Variants in ASIC2 observed in about 807,000 individuals in gnomAD.
ASIC2 encodes the protein acid-sensing ion channel 2.
ASIC2 carries 25 observed loss-of-function variants against 57.3 expected under a neutral mutation model. The observed-to-expected ratio is 0.44, with a 90% CI of 0.32 to 0.61. ASIC2 has a LOEUF of 0.61. Ranked by LOEUF, ASIC2 falls within the 20% of genes least tolerant of loss-of-function variation. ASIC2 has a pLI of 0.06. For missense variants in ASIC2, 641 were observed against 738.1 expected (o/e 0.87, Z 1.52); for synonymous variants, 319 against 307.5 (o/e 1.04, Z -0.39).
At chr17:34,117,755 G>A (rs1911471214) in intron 1 of ASIC2, among the ~76,000 whole-genome samples, 1 of 152,114 alleles carries the variant, frequency 6.6e-6, no homozygotes, top group Admixed American at 6.5e-5. Context: ...TTAACAAGGA[G>A]GGAAGAGTTG....
intron 1 of ASIC2, among the ~76,000 whole-genome samples, chr17:33,389,790 CTATT>C (rs1909824397): frequency 6.6e-6 from 1 of 152,194 alleles, no homozygotes; most frequent in East Asian, 1.9e-4. Context: ...ACTTGGGAAA[CTATT>C]TATGAACAGG....
At chr17:33,633,201 GC>G (rs1373906209) in intron 1 of ASIC2, among the ~76,000 whole-genome samples, 2 of 152,182 alleles carry the variant, frequency 1.3e-5, no homozygotes, top group African/African-American at 4.8e-5. Flanking sequence ...TCAACCCAAT[GC>G]CCATGAAGCC....
At chr17:33,350,659 G>T (rs576596880) in intron 1 of ASIC2, among the ~76,000 whole-genome samples, 64 of 125,530 alleles carry the variant, frequency 5.1e-4, no homozygotes, top group African/African-American at 2.1e-3. Flanking sequence ...TCCAGTCTGG[G>T]CAACAGAGCG....
At chr17:33,961,851 C>T (rs570279256) in intron 1 of ASIC2, among the ~76,000 whole-genome samples, 17 of 152,296 alleles carry the variant, frequency 1.1e-4, no homozygotes, top group African/African-American at 3.8e-4. Context: ...TGCTTTCCAA[C>T]CTCCATCTCC....
At chr17:34,121,065 G>A (rs988134991) in intron 1 of ASIC2, among the ~76,000 whole-genome samples, 3 of 152,034 alleles carry the variant, frequency 2.0e-5, no homozygotes, top group Non-Finnish European at 4.4e-5. Context: ...CTAATAAGAG[G>A]AGAAATATAC....
intron 1 of ASIC2, among the ~76,000 whole-genome samples, chr17:34,082,478 C>T (rs935267838): frequency 4.6e-5 from 7 of 152,280 alleles, no homozygotes; most frequent in Non-Finnish European, 7.4e-5. Flanking sequence ...GTCCTTTAAA[C>T]GGAATAAACT....
chr17:33,407,547 C>T (rs1910513141), intron 1 of ASIC2, among the ~76,000 whole-genome samples: 1 of 152,102 alleles, frequency 6.6e-6, no homozygotes, highest in South Asian at 2.1e-4. Flanking sequence ...GCCTAATTCT[C>T]TAAAATTCTC....
intron 1 of ASIC2, among the ~76,000 whole-genome samples, chr17:34,154,232 C>G (rs941840433): frequency 6.6e-6 from 1 of 152,138 alleles, no homozygotes; most frequent in Non-Finnish European, 1.5e-5. Flanking sequence ...CTAGAAAGAA[C>G]GGGGTGGAAT....
At chr17:33,345,590 A>G (rs1056697767) in intron 1 of ASIC2, among the ~76,000 whole-genome samples, 3 of 152,140 alleles carry the variant, frequency 2.0e-5, no homozygotes, top group African/African-American at 7.2e-5. Flanking sequence ...ACAGAGAGAA[A>G]ATCTGGTACA....
At chr17:34,038,222 T>C (rs973270840) in intron 1 of ASIC2, 2 of 1,611,860 alleles carry the variant, frequency 1.2e-6, no homozygotes, top group African/African-American at 2.7e-5. Context: ...ATTCACAATC[T>C]GCATGATAAT....
At chr17:33,676,059 A>G (rs1907809000) in intron 1 of ASIC2, among the ~76,000 whole-genome samples, 1 of 152,128 alleles carries the variant, frequency 6.6e-6, no homozygotes, top group African/African-American at 2.4e-5. Context: ...ACTGTGTCTG[A>G]TATGACGATC....
At chr17:33,343,577 T>G (rs1331299524) in intron 1 of ASIC2, among the ~76,000 whole-genome samples, 1 of 152,222 alleles carries the variant, frequency 6.6e-6, no homozygotes, top group African/African-American at 2.4e-5. Context: ...CCTATGCCAT[T>G]CGCTTGTATG....
In ASIC2 at chr17:34,050,741, A is replaced by G. The variant is rs149178741; in HGVS notation, c.555+105237T>C. ...GGAGCATGTGTAAGTTGTGTTCACAATCACACAACCACTTTAATGCAGAGC... is the reference window on the plus strand; with the variant it reads ...GGAGCATGTGTAAGTTGTGTTCACAGTCACACAACCACTTTAATGCAGAGC... On this transcript the variant is annotated intron_variant, in intron 1 of 9. Transcript: ENST00000359872. Among the ~76,000 whole-genome samples, 61 of 152,366 alleles carry G rather than the reference A, an allele frequency of 4.0e-4. 1 individual carries two copies. Among genetic ancestry groups the G allele is most frequent in the African/African-American group, 1.4e-3 (59 of 41,592 alleles).
intron 1 of ASIC2, among the ~76,000 whole-genome samples, chr17:33,986,609 GGGAGGGA>G (rs1454562703): frequency 6.6e-6 from 1 of 152,022 alleles, no homozygotes; most frequent in Admixed American, 6.6e-5. Flanking sequence ...ACAATGTCAT[GGGAGGGA>G]CACTTACTTC....
At position 33,340,590 on chromosome 17, in the gene ASIC2, G is replaced by A. The variant is rs576646507; in HGVS notation, c.556-228523C>T. Among the ~76,000 whole-genome samples, 67 of 152,170 alleles carry A rather than the reference G, an allele frequency of 4.4e-4. 1 individual carries two copies. The highest frequency in any genetic ancestry group is 3.4e-3 in the Middle Eastern group (1 of 294). On this transcript the variant is annotated intron_variant, in intron 1 of 9. Coordinates refer to the ASIC2 transcript ENST00000359872. Reference sequence around the variant, plus strand: ...GATATGACCTCCCTCAGGTGTGCTTGGGTTTTCTGGGAGATGATGTTAAAG... The same window carrying A: ...GATATGACCTCCCTCAGGTGTGCTTAGGTTTTCTGGGAGATGATGTTAAAG...
At chr17:33,744,393 CA>C (rs1309089170) in intron 1 of ASIC2, among the ~76,000 whole-genome samples, 2 of 152,188 alleles carry the variant, frequency 1.3e-5, no homozygotes, top group Admixed American at 6.5e-5. Context: ...GATAGTTTAA[CA>C]GACAGATTAG....
intron 1 of ASIC2, among the ~76,000 whole-genome samples, chr17:33,814,454 T>C (rs546182228): frequency 7.9e-5 from 12 of 152,326 alleles, no homozygotes; most frequent in African/African-American, 2.6e-4. Flanking sequence ...GAGACAGCAA[T>C]GCACCATTAC....
At chr17:33,555,589 G>T (rs953957882) in intron 1 of ASIC2, among the ~76,000 whole-genome samples, 8 of 152,142 alleles carry the variant, frequency 5.3e-5, no homozygotes, top group African/African-American at 1.7e-4. Context: ...CCCAAACTTT[G>T]AGCTCATGAG....
chr17:34,153,395 C>T (rs940385396), intron 1 of ASIC2, among the ~76,000 whole-genome samples: 14 of 152,128 alleles, frequency 9.2e-5, no homozygotes, highest in African/African-American at 2.7e-4. Context: ...TAAGAGAAGG[C>T]GGGTCAAGTG....
Sources: allele counts gnomAD v4.1 joint callset (sites outside exome capture counted in the v4.1 genomes callset), GRCh38; gene constraint gnomAD v4.1.1; transcripts MANE v1.5; gene names NCBI Gene and HGNC (gene_info 2026-07-23, HGNC 2026-07-21).